Variants in GLG1 observed in about 807,000 individuals in gnomAD.
GLG1 encodes the protein golgi glycoprotein 1.
In GLG1, 38 loss-of-function variants were observed where a neutral mutation model predicts 160.5. The observed-to-expected ratio is 0.24, with a 90% confidence interval of 0.18 to 0.31. GLG1 has a LOEUF of 0.31. Ranked by LOEUF, GLG1 falls within the 10% of genes least tolerant of loss-of-function variation. The pLI is 1.00. For synonymous variants in GLG1, 644 were observed against 543.4 expected (o/e 1.19, Z -2.57); for missense variants, 1,373 against 1,505.2 (o/e 0.91, Z 1.45).
At chr16:74,580,391 C>T (rs1216249939) in intron 1 of GLG1, among the ~76,000 whole-genome samples, 1 of 152,014 alleles carries the variant, frequency 6.6e-6, no homozygotes, top group Non-Finnish European at 1.5e-5. Flanking sequence ...CCCTGCTACT[C>T]AGGAGACCAA....
At chr16:74,547,497 T>A (rs2018080940) in intron 1 of GLG1, among the ~76,000 whole-genome samples, 1 of 152,224 alleles carries the variant, frequency 6.6e-6, no homozygotes, top group Non-Finnish European at 1.5e-5. Context: ...TTTTCACATT[T>A]AGCATTCTTT....
At chr16:74,530,057 G>A (rs2017483215) in intron 2 of GLG1, among the ~76,000 whole-genome samples, 1 of 151,816 alleles carries the variant, frequency 6.6e-6, no homozygotes, top group Non-Finnish European at 1.5e-5. Context: ...GATCCACCCA[G>A]CCTTCCAAAA....
At chr16:74,502,675 C>G (rs1183557198) in intron 4 of GLG1, among the ~76,000 whole-genome samples, 1 of 149,796 alleles carries the variant, frequency 6.7e-6, no homozygotes, top group Non-Finnish European at 1.5e-5. Context: ...TCCCAAGTAG[C>G]TGGGACTACA....
intron 1 of GLG1, among the ~76,000 whole-genome samples, chr16:74,566,966 G>T (rs1198648799): frequency 6.6e-6 from 1 of 152,144 alleles, no homozygotes; most frequent in East Asian, 1.9e-4. Context: ...GTCACGCAAA[G>T]AATATAGATA....
At chr16:74,457,213 G>C (rs1431863206) in intron 24 of GLG1, among the ~76,000 whole-genome samples, 1 of 152,120 alleles carries the variant, frequency 6.6e-6, no homozygotes, top group East Asian at 1.9e-4. Context: ...TGGCCAACAT[G>C]GCAAAACCCT....
At chr16:74,546,139 G>A (rs1567515901) in intron 1 of GLG1, among the ~76,000 whole-genome samples, 3 of 152,124 alleles carry the variant, frequency 2.0e-5, no homozygotes, top group East Asian at 3.9e-4. Flanking sequence ...AGAGTACTGG[G>A]AAATCTAATG....
At chr16:74,472,756 G>T (rs1201885227) in intron 13 of GLG1, 2 of 399,154 alleles carry the variant, frequency 5.0e-6, no homozygotes, top group Non-Finnish European at 9.8e-6. Context: ...AATGAAAACA[G>T]GGGTAACTGA....
chr16:74,457,125 T>G (rs189701708), intron 24 of GLG1, among the ~76,000 whole-genome samples: 1 of 152,210 alleles, frequency 6.6e-6, no homozygotes, highest in Admixed American at 6.5e-5. Flanking sequence ...CTGGGCATAG[T>G]GGCTTATGCC....
intron 2 of GLG1, among the ~76,000 whole-genome samples, chr16:74,524,714 G>A (rs532254267): frequency 2.6e-5 from 4 of 151,990 alleles, no homozygotes; most frequent in Non-Finnish European, 1.5e-5. Flanking sequence ...GATTCCATGG[G>A]GGCTGGTTAT....
chr16:74,509,022 A>G, intron 2 of GLG1, 97 bp from the exon 3 acceptor site: 1 of 623,460 alleles, frequency 1.6e-6, no homozygotes, highest in Non-Finnish European at 2.9e-6. Context: ...AATTATACAG[A>G]GTCAGACAAA....
intron 1 of GLG1, among the ~76,000 whole-genome samples, chr16:74,591,878 T>C (rs1469969091): frequency 6.6e-6 from 1 of 152,224 alleles, no homozygotes. Context: ...TTCTGAACTA[T>C]TCTTTTTCCC....
At chr16:74,461,168 CTTTTTTT>C (rs760396989) in intron 22 of GLG1, among the ~76,000 whole-genome samples, 1 of 141,562 alleles carries the variant, frequency 7.1e-6, no homozygotes, top group African/African-American at 2.6e-5. Flanking sequence ...TATAGAATTA[CTTTTTTT>C]TTTTTTTTTT....
At chr16:74,528,811 C>CAAAA (rs35777516) in intron 2 of GLG1, among the ~76,000 whole-genome samples, 4,945 of 62,666 alleles carry the variant, frequency 0.079, 516 homozygotes, top group Admixed American at 0.12. Flanking sequence ...GATTCTGTCT[C>CAAAA]AAAAAAAAAA....
At chr16:74,592,842 T>A (rs1958215689) in intron 1 of GLG1, among the ~76,000 whole-genome samples, 1 of 152,190 alleles carries the variant, frequency 6.6e-6, no homozygotes, top group Non-Finnish European at 1.5e-5. Context: ...ATCGTTTGAA[T>A]ATGTCCCCCA....
intron 25 of GLG1, among the ~76,000 whole-genome samples, chr16:74,454,731 T>A (rs902885467): frequency 2.1e-5 from 3 of 139,786 alleles, no homozygotes; most frequent in African/African-American, 8.0e-5. Flanking sequence ...GGGGTCTCCC[T>A]ATGTTGCCCA....
At chr16:74,472,567 A>T in intron 13 of GLG1, 156 bp from the exon 14 acceptor site, 3 of 1,496,334 alleles carry the variant, frequency 2.0e-6, no homozygotes, top group Non-Finnish European at 2.7e-6. Context: ...TAGCCCCAGA[A>T]TAAATATAGA....
chr16:74,549,624 C>G lies in GLG1; in HGVS notation c.439-17471G>C, dbSNP rs55937717. 3.6e-3 allele frequency among the ~76,000 whole-genome samples: 549 copies of G among 152,174 alleles called. 1 individual carries two copies. Among genetic ancestry groups the G allele is most frequent in the Non-Finnish European group, 5.7e-3 (390 of 68,002 alleles). On this transcript the variant is annotated intron_variant, in intron 1 of 25. Transcript: ENST00000422840. The stretch of plus-strand genomic sequence containing the variant: ...TTTTTATACATAGTGCCTAGCACAG[C>G]TAGCATAGCACGTTCAATATTTGCT...
intron 1 of GLG1, among the ~76,000 whole-genome samples, chr16:74,589,944 A>C (rs535249903): frequency 1.3e-3 from 199 of 152,206 alleles, no homozygotes; most frequent in African/African-American, 4.7e-3. Flanking sequence ...TTCATAAATA[A>C]ATAAATAAAT....
At chr16:74,569,480 C>T (rs1175196160) in intron 1 of GLG1, among the ~76,000 whole-genome samples, 1 of 152,200 alleles carries the variant, frequency 6.6e-6, no homozygotes, top group South Asian at 2.1e-4. Context: ...ACATCCACCT[C>T]GTAAATACTG....
Sources: gnomAD v4.1 joint callset for allele counts (sites outside exome capture counted in the v4.1 genomes callset) on GRCh38, gnomAD v4.1.1 for gene constraint, MANE v1.5 for transcripts, NCBI Gene and HGNC (gene_info 2026-07-23, HGNC 2026-07-21) for gene names.